Variants in SESTD1 observed in about 807,000 individuals in gnomAD.
The protein encoded by SESTD1 is SEC14 domain and spectrin repeat-containing protein 1.
A neutral mutation model predicts 101.7 loss-of-function variants in SESTD1; 43 were observed. That is an observed-to-expected ratio of 0.42 (90% CI 0.33 to 0.55). SESTD1 has a LOEUF of 0.55. SESTD1 is among the 20% of genes least tolerant of loss of function. The pLI is 0.07. For synonymous variants in SESTD1, 283 were observed against 286.8 expected, an observed-to-expected ratio of 0.99 and a Z score of 0.13; for missense variants, 647 against 815.1, an observed-to-expected ratio of 0.79 and a Z score of 2.51.
chr2:179,243,961 T>TAC (rs1220156890), intron 1 of SESTD1, among the ~76,000 whole-genome samples: 5,093 of 143,948 alleles, frequency 0.035, 153 homozygotes, highest in African/African-American at 0.089. Context: ...TATATATATA[T>TAC]ACACACACAC....
At chr2:179,206,753 G>A (rs2046595944) in intron 1 of SESTD1, among the ~76,000 whole-genome samples, 1 of 134,828 alleles carries the variant, frequency 7.4e-6, no homozygotes, top group Admixed American at 7.2e-5. Context: ...AGGCAGGGAG[G>A]TGAGAGACCT....
intron 1 of SESTD1, among the ~76,000 whole-genome samples, chr2:179,255,195 T>A (rs974921159): frequency 6.6e-6 from 1 of 152,182 alleles, no homozygotes; most frequent in Admixed American, 6.5e-5. Context: ...CAATGGCCTC[T>A]AAATATTAAA....
intron 6 of SESTD1, among the ~76,000 whole-genome samples, chr2:179,150,777 G>A (rs893378665): frequency 3.3e-5 from 5 of 151,746 alleles, no homozygotes; most frequent in Non-Finnish European, 5.9e-5. Flanking sequence ...CTGAGATTGC[G>A]CCACAGCACT....
At chr2:179,239,713 A>G (rs905932323) in intron 1 of SESTD1, among the ~76,000 whole-genome samples, 1 of 152,202 alleles carries the variant, frequency 6.6e-6, no homozygotes, top group Non-Finnish European at 1.5e-5. Context: ...AAGATAGATT[A>G]AAACAATAAG....
In SESTD1 at chr2:179,158,559, T is replaced by C. The variant is rs995009580; in HGVS notation, c.370-7168A>G. On this transcript the variant is annotated intron_variant, in intron 5 of 17. Coordinates refer to ENST00000428443, the MANE Select transcript of SESTD1 (RefSeq NM_178123.5). The stretch of plus-strand genomic sequence containing the variant: ...TAAACAGTACAGATTCACCTTCTTT[T>C]ATGACATAACACATATTTAAGAGCA... Among the ~76,000 whole-genome samples, 4 of 152,210 alleles carry C rather than the reference T, an allele frequency of 2.6e-5. No homozygotes were observed. The East Asian group carries it at 7.7e-4, about 29-fold the overall frequency.
intron 1 of SESTD1, among the ~76,000 whole-genome samples, chr2:179,236,198 T>C (rs939256261): frequency 6.6e-6 from 1 of 151,842 alleles, no homozygotes; most frequent in East Asian, 1.9e-4. Context: ...CAATGAGTAA[T>C]TATATGTAGC....
chr2:179,123,421 C>T (rs1234032132), intron 12 of SESTD1, among the ~76,000 whole-genome samples: 1 of 152,138 alleles, frequency 6.6e-6, no homozygotes, highest in African/African-American at 2.4e-5. Flanking sequence ...TTCATGCATG[C>T]ACTACAAATA....
At chr2:179,187,114 G>A (rs1330409989) in intron 2 of SESTD1, among the ~76,000 whole-genome samples, 11 of 151,082 alleles carry the variant, frequency 7.3e-5, no homozygotes, top group Admixed American at 3.3e-4. Flanking sequence ...GATCCTTAAG[G>A]GAGTTCTAAA....
chr2:179,153,945 TATTATAATGA>T (rs2045576199), intron 5 of SESTD1, among the ~76,000 whole-genome samples: 1 of 151,966 alleles, frequency 6.6e-6, no homozygotes, highest in Non-Finnish European at 1.5e-5. Context: ...AGAACACACT[TATTATAATGA>T]AAACGAGACT....
In SESTD1 at chr2:179,209,911, A is replaced by G. The variant is rs549268752; in HGVS notation, c.-25-18045T>C. On this transcript the variant is annotated intron_variant, in intron 1 of 17. Coordinates refer to ENST00000428443, the MANE Select transcript of SESTD1 (RefSeq NM_178123.5). ...ACAACAACAAAAAAAGATAAATGAA[A>G]AAAAAGCTGGTTCTTTGAAGAGATA... Among the ~76,000 whole-genome samples, 5 of 134,904 alleles carry G rather than the reference A, an allele frequency of 3.7e-5. 1 individual carries two copies. In the South Asian group the frequency reaches 1.4e-3, roughly 38 times the overall value. 88.5% of individuals were successfully genotyped at this position (134,904 alleles called of 152,430 possible). A position where few individuals can be genotyped will look rare whatever the true frequency, so the allele number is the denominator to read the frequency against.
intron 9 of SESTD1, among the ~76,000 whole-genome samples, chr2:179,139,765 C>T (rs1466142621): frequency 1.3e-5 from 2 of 152,118 alleles, no homozygotes; most frequent in African/African-American, 4.8e-5. Flanking sequence ...ACTTCATCTC[C>T]CTTGCCTCAA....
chr2:179,253,346 AC>A (rs1292579211), intron 1 of SESTD1, among the ~76,000 whole-genome samples: 8 of 152,148 alleles, frequency 5.3e-5, no homozygotes, highest in Non-Finnish European at 8.8e-5. Context: ...TTTAATGGAA[AC>A]CCTGGTGATA....
chr2:179,139,197 A>G (rs927829579), intron 9 of SESTD1, among the ~76,000 whole-genome samples: 7 of 152,072 alleles, frequency 4.6e-5, no homozygotes, highest in Admixed American at 4.6e-4. Context: ...ATTCCCCACA[A>G]AGAAAATGTT....
At position 179,198,219 on chromosome 2, in the gene SESTD1, A is replaced by C. The variant is rs529926271; in HGVS notation, c.-25-6353T>G. On this transcript the variant is annotated intron_variant, in intron 1 of 17. Transcript: ENST00000428443. Reference sequence around the variant, plus strand: ...AGATCAAAAGAGACAAGGCCATTACATAATGGTAAAGGGATCAATTCAACA... The same window carrying C: ...AGATCAAAAGAGACAAGGCCATTACCTAATGGTAAAGGGATCAATTCAACA... 1.4e-3 allele frequency among the ~76,000 whole-genome samples: 206 copies of C among 152,356 alleles called. 2 individuals are homozygous for C. The highest frequency in any genetic ancestry group is 4.7e-3 in the African/African-American group (197 of 41,582).
chr2:179,103,238 A>T lies in SESTD1; in HGVS notation c.*6661T>A, dbSNP rs1027938725. On this transcript the variant is annotated 3_prime_UTR_variant, in exon 18 of 18. Coordinates refer to ENST00000428443, the MANE Select transcript of SESTD1 (RefSeq NM_178123.5). ...TCTTTGCTTTCCTCAGATAGTTCCA[A>T]TTGTCATCCTTGACCATGAACAATG... The T allele has an allele frequency of 2.0e-5, 3 of 152,100 alleles. No individual in the cohort carries two copies. Among genetic ancestry groups the T allele is most frequent in the Admixed American group, 1.3e-4 (2 of 15,262 alleles). 9.4% of individuals were successfully genotyped at this position (152,100 alleles called of 1,614,324 possible). A position where few individuals can be genotyped will look rare whatever the true frequency, so the allele number is the denominator to read the frequency against.
chr2:179,181,833 A>T (rs138001554), intron 3 of SESTD1, among the ~76,000 whole-genome samples: 1 of 152,306 alleles, frequency 6.6e-6, no homozygotes, highest in African/African-American at 2.4e-5. Flanking sequence ...AATGATGAAC[A>T]AGTTAGCAAT....
At chr2:179,211,068 C>T (rs1273715921) in intron 1 of SESTD1, among the ~76,000 whole-genome samples, 2 of 128,492 alleles carry the variant, frequency 1.6e-5, no homozygotes, top group East Asian at 4.1e-4. Context: ...ACCCTTTTAA[C>T]AACAGCTGCA....
At chr2:179,130,631 AT>A (rs1388920389) in intron 10 of SESTD1, among the ~76,000 whole-genome samples, 27 of 152,108 alleles carry the variant, frequency 1.8e-4, no homozygotes, top group Non-Finnish European at 3.1e-4. Context: ...TTTAAAAAAA[AT>A]AATAAAATAT....
chr2:179,206,184 A>G (rs2046588590), intron 1 of SESTD1, among the ~76,000 whole-genome samples: 1 of 135,726 alleles, frequency 7.4e-6, no homozygotes, highest in Non-Finnish European at 1.6e-5. Flanking sequence ...TTGGACAGAC[A>G]GTACAGCATC....
Sources: gnomAD v4.1 joint callset for allele counts (sites outside exome capture counted in the v4.1 genomes callset) on GRCh38, gnomAD v4.1.1 for gene constraint, MANE v1.5 for transcripts, NCBI Gene and HGNC (gene_info 2026-07-23, HGNC 2026-07-21) for gene names.